The following WWOX variants were observed in gnomAD, a reference collection of about 807,000 sequenced individuals.
The protein encoded by WWOX is WW domain containing oxidoreductase, also known as WW domain-containing oxidoreductase.
WWOX carries 69 observed loss-of-function variants against 46.2 expected under a neutral mutation model. The observed-to-expected ratio is 1.49, with a 90% CI of 1.23 to 1.82. WWOX has a LOEUF of 1.82. Among genes scored for constraint, WWOX ranks in the 40% most tolerant of loss-of-function variants. The pLI, the probability that WWOX is intolerant of heterozygous loss-of-function variation, is 0.00. For missense variants in WWOX, 919 were observed against 542.6 expected (o/e 1.69, Z -6.89); for synonymous variants, 359 against 202.6 (o/e 1.77, Z -6.56).
intron 5 of WWOX, 62 bp downstream of exon 5, chr16:78,164,351 T>C: frequency 6.8e-7 from 1 of 1,462,950 alleles, no homozygotes; most frequent in Non-Finnish European, 9.5e-7. Flanking sequence ...GCTAACCATA[T>C]GGAGATTTCA....
intron 8 of WWOX, among the ~76,000 whole-genome samples, chr16:78,884,664 G>A (rs2044415796): frequency 6.6e-6 from 1 of 152,208 alleles, no homozygotes; most frequent in South Asian, 2.1e-4. Context: ...TTAGAAGTCA[G>A]GGTAGAGGAT....
chr16:79,050,805 T>C (rs146623177), intron 8 of WWOX, among the ~76,000 whole-genome samples: 1 of 152,358 alleles, frequency 6.6e-6, no homozygotes, highest in African/African-American at 2.4e-5. Context: ...AGCTTGCTTC[T>C]CTTCTGCCGC....
intron 8 of WWOX, among the ~76,000 whole-genome samples, chr16:79,040,184 G>T (rs757739771): frequency 6.6e-6 from 1 of 151,760 alleles, no homozygotes; most frequent in Non-Finnish European, 1.5e-5. Context: ...AAATGATAGC[G>T]TTCATCCTTG....
intron 8 of WWOX, among the ~76,000 whole-genome samples, chr16:78,628,298 C>A (rs949727790): frequency 6.6e-6 from 1 of 152,268 alleles, no homozygotes; most frequent in South Asian, 2.1e-4. Flanking sequence ...GTTTCCCTTT[C>A]TTTTCAGTTC....
intron 4 of WWOX, among the ~76,000 whole-genome samples, chr16:78,141,132 C>G (rs971623742): frequency 2.6e-5 from 4 of 152,196 alleles, no homozygotes; most frequent in Admixed American, 2.6e-4. Flanking sequence ...AGCAAGCTGC[C>G]TTGAGCAAGT....
At chr16:79,084,748 T>A (rs1246075879) in intron 8 of WWOX, among the ~76,000 whole-genome samples, 2 of 151,214 alleles carry the variant, frequency 1.3e-5, no homozygotes, top group Non-Finnish European at 2.9e-5. Flanking sequence ...CTTTTAATCC[T>A]CACAGTGACT....
At chr16:78,946,439 C>T (rs367856042) in intron 8 of WWOX, among the ~76,000 whole-genome samples, 33 of 152,138 alleles carry the variant, frequency 2.2e-4, no homozygotes, top group East Asian at 1.9e-3. Flanking sequence ...GATCTGCTCA[C>T]GTCGGCCTCC....
chr16:78,611,702 C>T (rs1162663854), intron 8 of WWOX, among the ~76,000 whole-genome samples: 1 of 152,242 alleles, frequency 6.6e-6, no homozygotes, highest in Non-Finnish European at 1.5e-5. Flanking sequence ...TCAGTGCTTT[C>T]AGCAACTCAT....
intron 5 of WWOX, chr16:78,167,700 C>G (rs1373461589): frequency 1.3e-5 from 2 of 152,124 alleles, no homozygotes; most frequent in Non-Finnish European, 2.9e-5. Flanking sequence ...AATTTTGCAC[C>G]AGAAGCTGTA....
At chr16:78,275,636 C>T (rs1367357646) in intron 5 of WWOX, among the ~76,000 whole-genome samples, 3 of 152,166 alleles carry the variant, frequency 2.0e-5, no homozygotes, top group Non-Finnish European at 4.4e-5. Flanking sequence ...CCCAGTAATC[C>T]CATGAGTCAC....
rs954456641 is a variant in WWOX, at chr16:78,574,080, C to G, written c.1056+141328C>G. 3.3e-5 allele frequency among the ~76,000 whole-genome samples: 5 copies of G among 152,176 alleles called. No homozygotes were observed. The East Asian group carries it at 9.6e-4, about 29-fold the overall frequency. ...GTAGCTTTTTGACTCGGCCTGGCTTCTTGCTGACTGTTGGCTGTTGGCTGG... is the reference window on the plus strand; with the variant it reads ...GTAGCTTTTTGACTCGGCCTGGCTTGTTGCTGACTGTTGGCTGTTGGCTGG... On this transcript the variant is annotated intron_variant, in intron 8 of 8. Coordinates refer to ENST00000566780, the MANE Select transcript of WWOX (RefSeq NM_016373.4).
chr16:78,900,426 C>A (rs370318319), intron 8 of WWOX, among the ~76,000 whole-genome samples: 3 of 152,110 alleles, frequency 2.0e-5, no homozygotes, highest in Admixed American at 1.3e-4. Flanking sequence ...TTTATTTTTC[C>A]TTAAAAATGA....
At chr16:79,037,825 A>G (rs1436405594) in intron 8 of WWOX, among the ~76,000 whole-genome samples, 1 of 152,100 alleles carries the variant, frequency 6.6e-6, no homozygotes, top group Non-Finnish European at 1.5e-5. Context: ...TCTTTCTGCC[A>G]GAGGTCAGCA....
chr16:78,793,075 A>G (rs1036013600), intron 8 of WWOX, among the ~76,000 whole-genome samples: 1 of 151,904 alleles, frequency 6.6e-6, no homozygotes, highest in Non-Finnish European at 1.5e-5. Flanking sequence ...CTGTATCTAT[A>G]TCTAATCTAT....
chr16:78,819,694 C>G (rs1443022052), intron 8 of WWOX, among the ~76,000 whole-genome samples: 1 of 152,210 alleles, frequency 6.6e-6, no homozygotes, highest in East Asian at 1.9e-4. Context: ...CTGGGCAAAG[C>G]CAAGAACCCT....
At chr16:78,506,961 A>C (rs2667602) in intron 8 of WWOX, among the ~76,000 whole-genome samples, 20 of 152,038 alleles carry the variant, frequency 1.3e-4, no homozygotes, top group Non-Finnish European at 1.0e-4. Context: ...TGATCCTCCC[A>C]CCTCAGCTGC....
intron 4 of WWOX, among the ~76,000 whole-genome samples, chr16:78,155,547 C>T (rs974117053): frequency 6.6e-6 from 1 of 152,202 alleles, no homozygotes; most frequent in Non-Finnish European, 1.5e-5. Context: ...GTAACAAGTG[C>T]TAGAAAAACT....
chr16:78,997,366 G>A (rs535051186), intron 8 of WWOX, among the ~76,000 whole-genome samples: 2 of 152,244 alleles, frequency 1.3e-5, no homozygotes, highest in South Asian at 4.2e-4. Context: ...AAGATTCGTG[G>A]CTTGGGTCTG....
At chr16:78,318,484 A>G (rs750838739) in intron 5 of WWOX, among the ~76,000 whole-genome samples, 4 of 152,128 alleles carry the variant, frequency 2.6e-5, no homozygotes, top group African/African-American at 7.2e-5. Flanking sequence ...TTTGTGGTCC[A>G]TATATTTGGT....
Sources: gnomAD v4.1 joint callset for allele counts (sites outside exome capture counted in the v4.1 genomes callset) on GRCh38, gnomAD v4.1.1 for gene constraint, MANE v1.5 for transcripts, NCBI Gene and HGNC (gene_info 2026-07-23, HGNC 2026-07-21) for gene names.